The following ZBBX variants were observed in gnomAD, a reference collection of about 807,000 sequenced individuals.
The protein encoded by ZBBX is zinc finger B-box domain-containing protein 1.
ZBBX carries 101 observed loss-of-function variants against 108.5 expected under a neutral mutation model. That is an observed-to-expected ratio of 0.93 (90% CI 0.79 to 1.10). The LOEUF (loss-of-function observed/expected upper bound fraction) is 1.10, where lower values mean the gene tolerates loss of function less well. ZBBX is among the 50% of genes least tolerant of loss of function. ZBBX has a pLI of 0.00. For synonymous variants in ZBBX, 356 were observed against 323.4 expected (o/e 1.10, Z -1.08); for missense variants, 1,009 against 941.4 (o/e 1.07, Z -0.94).
intron 14 of ZBBX, among the ~76,000 whole-genome samples, chr3:167,316,388 G>C (rs1735456680): frequency 6.6e-6 from 1 of 152,020 alleles, no homozygotes; most frequent in South Asian, 2.1e-4. Context: ...AAATATCTAG[G>C]ACAAGTGGCA....
chr3:167,320,942 A>T lies in ZBBX; in HGVS notation c.983+1175T>A, dbSNP rs1281427075. ...CTGTAATGGATAAGGAAATATGACA[A>T]AAAATACAATGTGTAATCCTGGACT... is the stretch of plus-strand genomic sequence containing the variant. On this transcript the variant is annotated intron_variant, in intron 12 of 21. Transcript: ENST00000675490. 2.0e-5 allele frequency among the ~76,000 whole-genome samples: 3 copies of T among 152,082 alleles called. No homozygotes were observed. In the East Asian group the frequency reaches 5.8e-4, roughly 29 times the overall value.
chr3:167,237,709 C>T (rs1404682491), downstream of ZBBX, among the ~76,000 whole-genome samples: 1 of 151,920 alleles, frequency 6.6e-6, no homozygotes. Context: ...GGGGCCTAGT[C>T]TACGCTGCCA....
At chr3:167,241,308 T>C (rs1720633018) in intron 21 of ZBBX, among the ~76,000 whole-genome samples, 1 of 152,180 alleles carries the variant, frequency 6.6e-6, no homozygotes, top group Admixed American at 6.5e-5. Context: ...TCATCTCTTT[T>C]GTATACTGTA....
At chr3:167,337,161 A>T (rs985784902) in intron 9 of ZBBX, among the ~76,000 whole-genome samples, 3 of 152,170 alleles carry the variant, frequency 2.0e-5, no homozygotes, top group African/African-American at 7.2e-5. Flanking sequence ...TTAAAATTCG[A>T]AGTTCATTTA....
chr3:167,370,948 A>G (rs1339747379), intron 4 of ZBBX, among the ~76,000 whole-genome samples: 6 of 152,192 alleles, frequency 3.9e-5, no homozygotes, highest in African/African-American at 1.4e-4. Context: ...AAACAAATCC[A>G]AGGGCTAGAA....
chr3:167,395,363 T>C (rs1259419385), intron 1 of ZBBX, among the ~76,000 whole-genome samples: 2 of 152,082 alleles, frequency 1.3e-5, no homozygotes, highest in Admixed American at 6.6e-5. Flanking sequence ...CTGGTCTTTT[T>C]ATACAGAAAT....
the ZBBX span, among the ~76,000 whole-genome samples, chr3:167,196,993 C>G: frequency 5.3e-5 from 8 of 152,234 alleles, 1 homozygote; most frequent in South Asian, 1.7e-3. Context: ...AGGACAATGA[C>G]AGCAAAGGGA....
rs546759713 is a variant in ZBBX at position 167,266,922 on chromosome 3, G to C, written c.2254+15316C>G. Among the ~76,000 whole-genome samples the C allele has an allele frequency of 3.3e-5, 5 of 152,180 alleles. No homozygotes were observed. The South Asian group carries it at 1.0e-3, about 32-fold the overall frequency. On this transcript the variant is annotated intron_variant, in intron 20 of 21. Transcript: ENST00000675490. ...TGCAGTGGCTTCAGGTTGAGGAATC[G>C]AGACCCACCCAGTGTGATGAATAAA...
chr3:167,219,180 A>T, the ZBBX span, among the ~76,000 whole-genome samples: 1 of 152,094 alleles, frequency 6.6e-6, no homozygotes, highest in South Asian at 2.1e-4. Flanking sequence ...ATACAATAAT[A>T]CCTGGAGACT....
At chr3:167,296,139 G>A (rs1449265153) in intron 18 of ZBBX, among the ~76,000 whole-genome samples, 1 of 151,690 alleles carries the variant, frequency 6.6e-6, no homozygotes, top group Non-Finnish European at 1.5e-5. Context: ...TTTATAGAAT[G>A]AAAGAAAAAA....
intron 1 of ZBBX, among the ~76,000 whole-genome samples, chr3:167,403,860 A>G (rs935185148): frequency 1.3e-5 from 2 of 152,102 alleles, no homozygotes; most frequent in Non-Finnish European, 2.9e-5. Flanking sequence ...TTAAACTAAT[A>G]CTAGATTAAA....
chr3:167,221,047 G>A, the ZBBX span, among the ~76,000 whole-genome samples: 1 of 151,714 alleles, frequency 6.6e-6, no homozygotes, highest in African/African-American at 2.4e-5. Context: ...AAATACTGGT[G>A]AAAGAAATGG....
At chr3:167,209,126 T>C in the ZBBX span, among the ~76,000 whole-genome samples, 2 of 148,716 alleles carry the variant, frequency 1.3e-5, no homozygotes, top group Non-Finnish European at 3.0e-5. Context: ...TCTTTTGACT[T>C]GGGCCAGTTC....
rs555234546 is a variant in ZBBX at position 167,312,587 on chromosome 3, C to A, written c.1417+1387G>T. On this transcript the variant is annotated intron_variant, in intron 16 of 21. Transcript: ENST00000675490. ...ACTTTCTGCTCAGTTTTGCTGTGAA[C>A]CTAAAACTGCTCTAAAAAGTAAACA... is the stretch of plus-strand genomic sequence containing the variant. 3.9e-5 allele frequency among the ~76,000 whole-genome samples: 6 copies of A among 152,162 alleles called. No individual in the cohort carries two copies. In the South Asian group the frequency reaches 1.2e-3, roughly 32 times the overall value.
intron 10 of ZBBX, among the ~76,000 whole-genome samples, chr3:167,330,871 G>GAAGAAGAAGAAGAAGA (rs1553820669): frequency 0.025 from 1,082 of 43,896 alleles, 160 homozygotes; most frequent in Non-Finnish European, 0.026. Flanking sequence ...GGAGGAGGAG[G>GAAGAAGAAGAAGAAGA]AGAAGAAGAA....
At chr3:167,358,935 C>CAAAAAAAA (rs59753251) in intron 8 of ZBBX, among the ~76,000 whole-genome samples, 3 of 66,232 alleles carry the variant, frequency 4.5e-5, no homozygotes, top group Non-Finnish European at 5.1e-5. Context: ...GACTCCATCT[C>CAAAAAAAA]AAAAAAAAAA....
At chr3:167,274,883 G>A (rs1052177531) in intron 20 of ZBBX, among the ~76,000 whole-genome samples, 1 of 152,148 alleles carries the variant, frequency 6.6e-6, no homozygotes, top group African/African-American at 2.4e-5. Context: ...AAACCCCCTG[G>A]TGTCCTTTGT....
At chr3:167,251,710 G>C (rs1722635775) in intron 20 of ZBBX, among the ~76,000 whole-genome samples, 2 of 152,048 alleles carry the variant, frequency 1.3e-5, no homozygotes, top group Non-Finnish European at 2.9e-5. Context: ...TTTAATTAAT[G>C]ATCAAATAAT....
At chr3:167,351,650 AG>A (rs1297427305) in intron 8 of ZBBX, among the ~76,000 whole-genome samples, 1 of 152,160 alleles carries the variant, frequency 6.6e-6, no homozygotes, top group African/African-American at 2.4e-5. Flanking sequence ...TATCACACAG[AG>A]GAATGGCTAG....
Sources: gnomAD v4.1 joint callset for allele counts (sites outside exome capture counted in the v4.1 genomes callset) on GRCh38, gnomAD v4.1.1 for gene constraint, MANE v1.5 for transcripts, NCBI Gene and HGNC (gene_info 2026-07-23, HGNC 2026-07-21) for gene names.